Variants in FBXL7 observed in about 807,000 individuals in gnomAD.
The protein encoded by FBXL7 is F-box and leucine rich repeat protein 7.
Under a neutral mutation model 38.3 loss-of-function variants are expected in FBXL7, and 12 were observed. That is an observed-to-expected ratio of 0.31 (90% CI 0.20 to 0.51). FBXL7 has a LOEUF of 0.51. Among genes scored for constraint, FBXL7 ranks in the 20% least tolerant of loss-of-function variants. The pLI is 0.98. For missense variants in FBXL7, 567 were observed against 676.4 expected (o/e 0.84, Z 1.79); for synonymous variants, 297 against 300.9 (o/e 0.99, Z 0.13).
At chr5:15,833,188 A>G (rs545240167) in intron 2 of FBXL7, among the ~76,000 whole-genome samples, 153 of 152,252 alleles carry the variant, frequency 1.0e-3, no homozygotes, top group African/African-American at 3.6e-3. Flanking sequence ...CTTATAAACA[A>G]CAGAAATCTA....
chr5:15,938,150 C>T lies in FBXL7; in HGVS notation c.*964C>T, dbSNP rs1226904582. On this transcript the variant is annotated 3_prime_UTR_variant, in exon 4 of 4. Transcript: ENST00000504595. ...CCTCTTTTGCCAGGCTGGATGCTGTCGTCTCTGTACACAAATACTTTCTGC... is the reference window on the plus strand; with the variant it reads ...CCTCTTTTGCCAGGCTGGATGCTGTTGTCTCTGTACACAAATACTTTCTGC... The T allele has an allele frequency of 2.0e-5, 3 of 152,150 alleles. No individual in the cohort carries two copies. The highest frequency in any genetic ancestry group is 2.1e-4 in the South Asian group (1 of 4,822). 9.4% of individuals were successfully genotyped at this position (152,150 alleles called of 1,614,324 possible).
At chr5:15,563,074 A>G (rs575280216) in intron 1 of FBXL7, among the ~76,000 whole-genome samples, 2 of 152,280 alleles carry the variant, frequency 1.3e-5, no homozygotes, top group South Asian at 4.1e-4. Flanking sequence ...TTCTGGGGCT[A>G]TAATGAACAA....
At chr5:15,807,613 T>C (rs185231874) in intron 2 of FBXL7, among the ~76,000 whole-genome samples, 2 of 152,316 alleles carry the variant, frequency 1.3e-5, no homozygotes, top group Admixed American at 1.3e-4. Flanking sequence ...GCAAACTGTT[T>C]CTAATCAAAT....
chr5:15,789,980 C>T (rs1737232555), intron 2 of FBXL7, among the ~76,000 whole-genome samples: 1 of 152,124 alleles, frequency 6.6e-6, no homozygotes, highest in African/African-American at 2.4e-5. Context: ...GCTGCATAGG[C>T]CCCCGTGGCC....
chr5:15,534,229 A>T (rs919551514), intron 1 of FBXL7, among the ~76,000 whole-genome samples: 1 of 152,182 alleles, frequency 6.6e-6, no homozygotes, highest in Non-Finnish European at 1.5e-5. Flanking sequence ...GGTGATATAC[A>T]TTCTATGGGT....
At chr5:15,906,006 T>C (rs1453540871) in intron 2 of FBXL7, among the ~76,000 whole-genome samples, 4 of 152,090 alleles carry the variant, frequency 2.6e-5, no homozygotes, top group African/African-American at 9.7e-5. Flanking sequence ...ACGTAAATGA[T>C]GAGCCAGAAT....
In FBXL7 at chr5:15,938,258, C is replaced by T. The variant is rs1214703015; in HGVS notation, c.*1072C>T. 3 of 152,196 alleles carry T rather than the reference C, an allele frequency of 2.0e-5. No individual in the cohort carries two copies. The highest frequency in any genetic ancestry group is 2.9e-5 in the Non-Finnish European group (2 of 68,046). The allele number at this position is 152,196 out of a possible 1,614,324, so 9.4% of individuals were successfully genotyped here. ...CAGATCCCCCCATCAGTTGCTTTTA[C>T]TCAGTGTTTTCAAATAGGAGTAAAG... On this transcript the variant is annotated 3_prime_UTR_variant, in exon 4 of 4. Transcript: ENST00000504595.
intron 1 of FBXL7, among the ~76,000 whole-genome samples, chr5:15,538,445 G>A (rs1050932950): frequency 6.6e-6 from 1 of 152,148 alleles, no homozygotes; most frequent in Non-Finnish European, 1.5e-5. Flanking sequence ...TCTTCAGGGG[G>A]TGAACAGAAA....
At chr5:15,707,111 T>C (rs978727181) in intron 2 of FBXL7, among the ~76,000 whole-genome samples, 1 of 151,584 alleles carries the variant, frequency 6.6e-6, no homozygotes, top group African/African-American at 2.4e-5. Flanking sequence ...AAGGATATCA[T>C]CTATTAGTTA....
intron 2 of FBXL7, among the ~76,000 whole-genome samples, chr5:15,839,915 C>T (rs1431640531): frequency 6.6e-6 from 1 of 152,156 alleles, no homozygotes; most frequent in Non-Finnish European, 1.5e-5. Context: ...AATCTGCTTA[C>T]TCTTTTACAA....
intron 2 of FBXL7, among the ~76,000 whole-genome samples, chr5:15,894,922 TG>T: frequency 6.6e-6 from 1 of 152,288 alleles, no homozygotes; most frequent in Middle Eastern, 3.4e-3. Flanking sequence ...GATAGCAAGT[TG>T]CTTCACAGAA....
chr5:15,885,160 A>G (rs1367926576), intron 2 of FBXL7, among the ~76,000 whole-genome samples: 2 of 152,180 alleles, frequency 1.3e-5, no homozygotes, highest in Non-Finnish European at 2.9e-5. Flanking sequence ...AGTTGGTGGC[A>G]GGATGCAGTT....
intron 2 of FBXL7, among the ~76,000 whole-genome samples, chr5:15,693,617 T>C (rs35719201): frequency 0.66 from 100,042 of 151,852 alleles, 33,219 homozygotes; most frequent in East Asian, 0.74. Context: ...GCCCGCCATG[T>C]CCCCCATCCT....
At chr5:15,647,743 T>A (rs4702090) in intron 2 of FBXL7, among the ~76,000 whole-genome samples, 1 of 152,012 alleles carries the variant, frequency 6.6e-6, no homozygotes, top group African/African-American at 2.4e-5. Context: ...GGAGTATTTT[T>A]GCATGTCATG....
chr5:15,702,484 CTCTGGA>C (rs1442237998), intron 2 of FBXL7, among the ~76,000 whole-genome samples: 3 of 152,156 alleles, frequency 2.0e-5, no homozygotes, highest in Non-Finnish European at 4.4e-5. Flanking sequence ...ATCTGCCTCT[CTCTGGA>C]TCTGTTAAGT....
intron 2 of FBXL7, among the ~76,000 whole-genome samples, chr5:15,880,360 G>T (rs1453245552): frequency 6.6e-6 from 1 of 152,196 alleles, no homozygotes; most frequent in African/African-American, 2.4e-5. Flanking sequence ...CTCCACCTCA[G>T]GAGGAGGGGA....
chr5:15,601,045 G>C (rs1290575260), intron 1 of FBXL7, among the ~76,000 whole-genome samples: 1 of 152,194 alleles, frequency 6.6e-6, no homozygotes, highest in African/African-American at 2.4e-5. Context: ...GGCTGAGATG[G>C]CTTGGTTATG....
At chr5:15,584,478 A>G (rs1396659211) in intron 1 of FBXL7, among the ~76,000 whole-genome samples, 1 of 152,216 alleles carries the variant, frequency 6.6e-6, no homozygotes, top group East Asian at 1.9e-4. Flanking sequence ...TTGCTGAAGC[A>G]TAGCAAGTGT....
At chr5:15,540,397 T>G (rs529588353) in intron 1 of FBXL7, among the ~76,000 whole-genome samples, 1 of 152,320 alleles carries the variant, frequency 6.6e-6, no homozygotes, top group African/African-American at 2.4e-5. Flanking sequence ...ATTTAAAATC[T>G]CTACAACCCA....
Sources: allele counts gnomAD v4.1 joint callset (sites outside exome capture counted in the v4.1 genomes callset), GRCh38; gene constraint gnomAD v4.1.1; transcripts MANE v1.5; gene names NCBI Gene and HGNC (gene_info 2026-07-23, HGNC 2026-07-21).